Variants in AGBL1 observed in about 807,000 individuals in gnomAD.
AGBL1 encodes AGBL carboxypeptidase 1.
Under a neutral mutation model 118.9 loss-of-function variants are expected in AGBL1, and 130 were observed. The observed-to-expected ratio is 1.09, with a 90% CI of 0.95 to 1.26. The LOEUF is 1.26. AGBL1 is among the 50% of genes most tolerant of loss of function. The pLI, the probability that AGBL1 is intolerant of heterozygous loss-of-function variation, is 0.00. For synonymous variants in AGBL1, 555 were observed against 478.9 expected (o/e 1.16, Z -2.08); for missense variants, 1,584 against 1,298.1 (o/e 1.22, Z -3.38).
At chr15:86,653,547 C>T (rs761821274) in intron 21 of AGBL1, among the ~76,000 whole-genome samples, 6 of 152,072 alleles carry the variant, frequency 3.9e-5, no homozygotes, top group Non-Finnish European at 7.4e-5. Context: ...TTTTATAAAC[C>T]GTGCACTTGA....
In AGBL1 at chr15:86,926,072, G is replaced by A. The variant is rs570510658; in HGVS notation, c.3222-61915G>A. 4.6e-5 allele frequency among the ~76,000 whole-genome samples: 7 copies of A among 152,150 alleles called. No homozygotes were observed. In the South Asian group the frequency reaches 8.3e-4, roughly 18 times the overall value. ...CACTAACCTATAGGAGAAGGAAAAC[G>A]TCAATATCTGCTTCATCTCCTCTCC... On this transcript the variant is annotated intron_variant, in intron 23 of 24. Transcript: ENST00000441037.
At chr15:86,616,342 A>AG (rs2084722805) in intron 21 of AGBL1, among the ~76,000 whole-genome samples, 1 of 25,028 alleles carries the variant, frequency 4.0e-5, no homozygotes, top group African/African-American at 9.0e-5. Context: ...TCCACTTCAA[A>AG]AAAAAAAAAA....
chr15:86,306,745 G>A (rs2079847377), intron 17 of AGBL1, among the ~76,000 whole-genome samples: 1 of 152,112 alleles, frequency 6.6e-6, no homozygotes, highest in Non-Finnish European at 1.5e-5. Context: ...CTTCCAAACT[G>A]TTTTCCATAG....
chr15:86,856,359 C>A (rs1431124580), intron 22 of AGBL1, among the ~76,000 whole-genome samples: 2 of 152,170 alleles, frequency 1.3e-5, no homozygotes, highest in Non-Finnish European at 2.9e-5. Flanking sequence ...CTTCAATGAT[C>A]TTCTCCATGG....
intron 17 of AGBL1, among the ~76,000 whole-genome samples, chr15:86,370,868 T>A (rs2141942473): frequency 6.6e-6 from 1 of 152,322 alleles, no homozygotes; most frequent in East Asian, 1.9e-4. Flanking sequence ...CAGTAAGTGT[T>A]CACAGACTTG....
chr15:86,088,621 A>C (rs1025962651), intron 1 of AGBL1, among the ~76,000 whole-genome samples: 2 of 152,248 alleles, frequency 1.3e-5, no homozygotes, highest in Non-Finnish European at 2.9e-5. Context: ...TCCAAAGAAC[A>C]CTAGTGTTCC....
intron 3 of AGBL1, among the ~76,000 whole-genome samples, chr15:86,149,900 A>G (rs1467702487): frequency 6.6e-6 from 1 of 152,232 alleles, no homozygotes; most frequent in Non-Finnish European, 1.5e-5. Flanking sequence ...CAGTCAATGT[A>G]AAAGAACAGA....
Position 86,143,728 on chromosome 15 carries a change from A to G in AGBL1, c.145A>G (p.Ser49Gly). Residue 49 changes from serine to glycine, a missense_variant, in exon 3 of 23, where the codon AGC (serine) becomes GGC (glycine). Transcript: ENST00000614907. Reference sequence around the variant, plus strand: ...AGACCGGAGAATTCACTACATGATCAGCAAGGGTGGCAGTGAAGCTCTTCT... The same window carrying G: ...AGACCGGAGAATTCACTACATGATCGGCAAGGGTGGCAGTGAAGCTCTTCT... ...GTDRRIHYMI[S>G]KGGSEALLQT... is the part of the protein sequence containing the mutation. 5.6e-6 allele frequency: 9 copies of G among 1,613,842 alleles called. No homozygotes were observed. The highest frequency in any genetic ancestry group is 6.8e-6 in the Non-Finnish European group (8 of 1,179,768).
intron 17 of AGBL1, among the ~76,000 whole-genome samples, chr15:86,391,627 A>C (rs1346512869): frequency 7.0e-6 from 1 of 142,232 alleles, no homozygotes; most frequent in African/African-American, 2.7e-5. Context: ...ACCTTTGTAT[A>C]ATGTTGTTGT....
chr15:86,961,808 C>T (rs1313452239), intron 23 of AGBL1, among the ~76,000 whole-genome samples: 1 of 152,054 alleles, frequency 6.6e-6, no homozygotes, highest in Non-Finnish European at 1.5e-5. Context: ...CCATACAGGG[C>T]CATTCTTAGG....
At position 86,961,491 on chromosome 15, in the gene AGBL1, C is replaced by T. The variant is rs557675948; in HGVS notation, c.3222-26496C>T. On this transcript the variant is annotated intron_variant, in intron 23 of 24. Transcript: ENST00000441037. ...GAAGAAGAGACCCAGAGCCAGCAAACGAGACCTGGGGCTTCATTGAGGTTA... is the reference window on the plus strand; with the variant it reads ...GAAGAAGAGACCCAGAGCCAGCAAATGAGACCTGGGGCTTCATTGAGGTTA... 3.9e-5 allele frequency among the ~76,000 whole-genome samples: 6 copies of T among 152,042 alleles called. No homozygotes were observed. The East Asian group carries it at 5.8e-4, about 15-fold the overall frequency.
intron 17 of AGBL1, among the ~76,000 whole-genome samples, chr15:86,314,406 C>T (rs964134084): frequency 6.6e-6 from 1 of 152,130 alleles, no homozygotes; most frequent in African/African-American, 2.4e-5. Flanking sequence ...AATGAATTCA[C>T]ATTAAAAAAG....
chr15:86,700,128 ATTATT>A (rs1335054755), intron 22 of AGBL1, among the ~76,000 whole-genome samples: 2 of 151,830 alleles, frequency 1.3e-5, no homozygotes, highest in African/African-American at 2.4e-5. Flanking sequence ...CTTACAATTC[ATTATT>A]TTATTTAGGC....
intron 17 of AGBL1, among the ~76,000 whole-genome samples, chr15:86,339,835 C>T (rs1439947980): frequency 2.6e-5 from 4 of 151,934 alleles, no homozygotes; most frequent in Non-Finnish European, 5.9e-5. Flanking sequence ...GGCGTAGTGG[C>T]GCATGCCTTA....
chr15:86,866,221 T>A (rs1476488015), intron 22 of AGBL1, among the ~76,000 whole-genome samples: 1 of 152,200 alleles, frequency 6.6e-6, no homozygotes, highest in Non-Finnish European at 1.5e-5. Flanking sequence ...ATTAGAAAAG[T>A]CATCTTGACA....
At chr15:86,366,681 T>G (rs1001618361) in intron 17 of AGBL1, among the ~76,000 whole-genome samples, 2 of 152,230 alleles carry the variant, frequency 1.3e-5, no homozygotes, top group Non-Finnish European at 2.9e-5. Flanking sequence ...CCATCATATT[T>G]CTTTACATTC....
chr15:86,239,482 G>A (rs2078607436), intron 6 of AGBL1, among the ~76,000 whole-genome samples: 1 of 152,164 alleles, frequency 6.6e-6, no homozygotes, highest in African/African-American at 2.4e-5. Flanking sequence ...TGCAGCTGCA[G>A]GGCAGGAGGA....
intron 21 of AGBL1, among the ~76,000 whole-genome samples, chr15:86,671,425 T>C (rs1043269527): frequency 3.9e-5 from 6 of 152,226 alleles, no homozygotes; most frequent in Non-Finnish European, 5.9e-5. Context: ...TTTGTGTTAC[T>C]GTCTGTGGAA....
intron 17 of AGBL1, among the ~76,000 whole-genome samples, chr15:86,371,944 G>A (rs1193448601): frequency 1.3e-5 from 2 of 152,132 alleles, no homozygotes; most frequent in Non-Finnish European, 2.9e-5. Context: ...CCCGGCAGTG[G>A]CCACTTCCAT....
Sources: allele counts gnomAD v4.1 joint callset (sites outside exome capture counted in the v4.1 genomes callset), GRCh38; gene constraint gnomAD v4.1.1; transcripts MANE v1.5; gene names NCBI Gene and HGNC (gene_info 2026-07-23, HGNC 2026-07-21).